The following RABGAP1 variants were observed in gnomAD, a reference collection of about 807,000 sequenced individuals.
RABGAP1 encodes RAB GTPase activating protein 1, also known as rab GTPase-activating protein 1.
RABGAP1 carries 23 observed loss-of-function variants against 137.6 expected under a neutral mutation model. The observed-to-expected ratio is 0.17, with a 90% CI of 0.12 to 0.24. RABGAP1 has a LOEUF of 0.24. Among genes scored for constraint, RABGAP1 ranks in the 10% least tolerant of loss-of-function variants. RABGAP1 has a pLI of 1.00. For synonymous variants in RABGAP1, 451 were observed against 450.7 expected (o/e 1.00, Z -0.01); for missense variants, 906 against 1,275.8 (o/e 0.71, Z 4.42).
At chr9:123,067,345 C>T (rs1426277017) in intron 14 of RABGAP1, among the ~76,000 whole-genome samples, 1 of 152,228 alleles carries the variant, frequency 6.6e-6, no homozygotes, top group Non-Finnish European at 1.5e-5. Context: ...TTTACAAAAG[C>T]TGCTCTGCCT....
At chr9:122,992,812 T>A (rs1836808904) in intron 6 of RABGAP1, among the ~76,000 whole-genome samples, 1 of 149,528 alleles carries the variant, frequency 6.7e-6, no homozygotes, top group Non-Finnish European at 1.5e-5. Context: ...TTATTTTATC[T>A]AAATATTATA....
At chr9:123,006,512 T>G (rs1402074251) in intron 10 of RABGAP1, among the ~76,000 whole-genome samples, 1 of 152,226 alleles carries the variant, frequency 6.6e-6, no homozygotes, top group East Asian at 1.9e-4. Flanking sequence ...TATATGAAAT[T>G]TCCCTGTGTG....
chr9:123,063,541 T>C (rs2034059197), intron 13 of RABGAP1, among the ~76,000 whole-genome samples: 1 of 152,252 alleles, frequency 6.6e-6, no homozygotes, highest in Admixed American at 6.5e-5. Context: ...AGTTGTTTCT[T>C]ATCCTTTGCC....
intron 2 of RABGAP1, among the ~76,000 whole-genome samples, chr9:122,960,860 G>A (rs7038112): frequency 0.11 from 16,499 of 152,120 alleles, 2,893 homozygotes; most frequent in African/African-American, 0.37. Context: ...TGGAAATTCT[G>A]GAATGGAACA....
At chr9:123,073,506 C>T (rs1177292363) in intron 15 of RABGAP1, 46 bp from the exon 16 acceptor site, 1 of 1,576,146 alleles carries the variant, frequency 6.3e-7, no homozygotes, top group Non-Finnish European at 8.6e-7. Context: ...TTTTGTGATT[C>T]CCCACCGCCA....
intron 3 of RABGAP1, among the ~76,000 whole-genome samples, chr9:122,985,871 T>C (rs1418523860): frequency 6.6e-6 from 1 of 152,180 alleles, no homozygotes; most frequent in Non-Finnish European, 1.5e-5. Flanking sequence ...TATAATTACC[T>C]GCTGAGCACC....
At chr9:123,008,667 A>T (rs952477602) in intron 10 of RABGAP1, among the ~76,000 whole-genome samples, 2 of 152,194 alleles carry the variant, frequency 1.3e-5, no homozygotes, top group African/African-American at 4.8e-5. Flanking sequence ...TTATTAAAGT[A>T]TAATTTTCAA....
chr9:123,092,985 C>T (rs781472495), intron 21 of RABGAP1, among the ~76,000 whole-genome samples: 1 of 152,160 alleles, frequency 6.6e-6, no homozygotes, highest in Non-Finnish European at 1.5e-5. Context: ...ACTCACTTTC[C>T]CTTCCCAAGT....
At chr9:122,944,238 T>C (rs1833798461) in intron 1 of RABGAP1, among the ~76,000 whole-genome samples, 1 of 152,130 alleles carries the variant, frequency 6.6e-6, no homozygotes, top group African/African-American at 2.4e-5. Context: ...ACTTTTTTTT[T>C]TTTTTAAAAG....
intron 1 of RABGAP1, among the ~76,000 whole-genome samples, chr9:122,951,932 G>C (rs1205879462): frequency 2.0e-5 from 3 of 152,140 alleles, no homozygotes; most frequent in Admixed American, 2.0e-4. Flanking sequence ...ACATAATTGA[G>C]CATAGAATTG....
chr9:123,002,863 A>G (rs1261479747), intron 10 of RABGAP1, among the ~76,000 whole-genome samples: 1 of 152,184 alleles, frequency 6.6e-6, no homozygotes, highest in Non-Finnish European at 1.5e-5. Flanking sequence ...TATTAAGGCT[A>G]CAAACTAAAC....
In RABGAP1 at chr9:123,104,373, T is replaced by TGTAA. The variant is rs1201860513; in HGVS notation, c.*1163_*1166dup. 1 of 152,134 alleles carries TGTAA rather than the reference T, an allele frequency of 6.6e-6. No homozygotes were observed. The highest frequency in any genetic ancestry group is 2.4e-5 in the African/African-American group (1 of 41,218). 9.4% of individuals were successfully genotyped at this position (152,134 alleles called of 1,614,324 possible). A position where few individuals can be genotyped will look rare whatever the true frequency, so the allele number is the denominator to read the frequency against. ...TACAAACCTCACTGTTCAGATGGGC[T>TGTAA]GTAAGTTCTCACTTCAAAGCTATGG... On this transcript the variant is annotated 3_prime_UTR_variant, in exon 26 of 26. Transcript: ENST00000373647.
intron 12 of RABGAP1, among the ~76,000 whole-genome samples, chr9:123,018,185 A>G (rs947978871): frequency 5.3e-5 from 8 of 152,110 alleles, no homozygotes; most frequent in Non-Finnish European, 1.0e-4. Flanking sequence ...TAGTAGAGAC[A>G]GGGTTTCACC....
At chr9:122,959,190 A>G (rs1469594991) in intron 2 of RABGAP1, among the ~76,000 whole-genome samples, 1 of 152,026 alleles carries the variant, frequency 6.6e-6, no homozygotes, top group African/African-American at 2.4e-5. Context: ...AAAATCTGGG[A>G]AAAGAGCTTT....
chr9:122,935,721 G>A, the RABGAP1 span, among the ~76,000 whole-genome samples: 77 of 152,276 alleles, frequency 5.1e-4, no homozygotes, highest in Middle Eastern at 3.4e-3. Context: ...TATAATAATT[G>A]CTTTTATAGT....
rs142330332 is a variant in RABGAP1, at chr9:123,076,268, C to T, written c.2277C>T (p.Val759=). Residue 759 remains valine (V), a synonymous_variant, in exon 18 of 26, where the codon GTC becomes GTT. Transcript: ENST00000373647. ...AGGGAATAAGTGTTATTTTTAATGTCGCCCTTGGATTATTAAAGGTACTCA... is the reference window on the plus strand; with the variant it reads ...AGGGAATAAGTGTTATTTTTAATGTTGCCCTTGGATTATTAAAGGTACTCA... ...LCEGISVIFN[V]ALGLLKTSKD... 51 of 1,610,184 alleles carry T rather than the reference C, an allele frequency of 3.2e-5. No homozygotes were observed. The highest frequency in any genetic ancestry group is 1.0e-4 in the South Asian group (9 of 90,366).
intron 2 of RABGAP1, among the ~76,000 whole-genome samples, chr9:122,964,214 C>G (rs1157600957): frequency 6.6e-6 from 1 of 152,178 alleles, no homozygotes; most frequent in African/African-American, 2.4e-5. Flanking sequence ...CCAACTTACT[C>G]TATGAGAACA....
At chr9:122,985,756 T>C (rs1259120522) in intron 3 of RABGAP1, among the ~76,000 whole-genome samples, 1 of 152,194 alleles carries the variant, frequency 6.6e-6, no homozygotes, top group Non-Finnish European at 1.5e-5. Context: ...CTGAGTCTGA[T>C]TGAGACCGAC....
rs1588423633 is a variant in RABGAP1, at chr9:123,104,410, G to A, written c.*1197G>A. ...CTTCAAAGCTATGGAATGGATTTTA[G>A]CACCTTTAAAAAAAAAAAAAACTTT... is the stretch of plus-strand genomic sequence containing the variant. On this transcript the variant is annotated 3_prime_UTR_variant, in exon 26 of 26. Transcript: ENST00000373647. 1 of 55,302 alleles carries A rather than the reference G, an allele frequency of 1.8e-5. No individual in the cohort carries two copies. The highest frequency in any genetic ancestry group is 5.1e-4 in the East Asian group (1 of 1,944). The allele number at this position is 55,302 out of a possible 1,614,324, so 3.4% of individuals were successfully genotyped here.
Sources: allele counts gnomAD v4.1 joint callset (sites outside exome capture counted in the v4.1 genomes callset), GRCh38; gene constraint gnomAD v4.1.1; transcripts MANE v1.5; gene names NCBI Gene and HGNC (gene_info 2026-07-23, HGNC 2026-07-21).